Variants in FAM120C observed in about 807,000 individuals in gnomAD.
FAM120C encodes the protein family with sequence similarity 120 member C.
Under a neutral mutation model 71.2 loss-of-function variants are expected in FAM120C, and 14 were observed. The ratio of observed to expected loss-of-function variants is 0.20; its 90% CI spans 0.13 to 0.31. The LOEUF (loss-of-function observed/expected upper bound fraction) is 0.31, where lower values mean the gene tolerates loss of function less well. Ranked by LOEUF, FAM120C falls within the 10% of genes least tolerant of loss-of-function variation. FAM120C has a pLI of 1.00. For missense variants in FAM120C, 500 were observed against 879.0 expected (o/e 0.57, Z 5.45); for synonymous variants, 354 against 353.2 (o/e 1.00, Z -0.03).
chrX:54,127,357 C>T (rs1557128143), intron 9 of FAM120C, among the ~76,000 whole-genome samples: 2 of 108,777 alleles, frequency 1.8e-5, no homozygotes, highest in African/African-American at 6.7e-5. Flanking sequence ...TTTGGGAGGC[C>T]GAGGCGGGCG....
intron 1 of FAM120C, among the ~76,000 whole-genome samples, chrX:54,163,286 GATGA>G (rs782475190): frequency 8.9e-6 from 1 of 112,327 alleles, no homozygotes; most frequent in Non-Finnish European, 1.9e-5. Flanking sequence ...TCTATCAACT[GATGA>G]ATGAACAAAA....
intron 8 of FAM120C, 57 bp downstream of exon 8, chrX:54,133,716 G>C: frequency 8.9e-7 from 1 of 1,122,474 alleles, no homozygotes. Flanking sequence ...TACAGTCCTA[G>C]GAAGTAGGAA....
At chrX:54,156,713 C>T (rs2067211608) in intron 3 of FAM120C, among the ~76,000 whole-genome samples, 1 of 107,463 alleles carries the variant, frequency 9.3e-6, no homozygotes, top group South Asian at 4.2e-4. Context: ...ACAGTGAAAC[C>T]CTGTCTCTAT....
chrX:54,073,729 G>A (rs2066722214), intron 15 of FAM120C, among the ~76,000 whole-genome samples: 1 of 111,391 alleles, frequency 9.0e-6, no homozygotes, highest in Non-Finnish European at 1.9e-5. Context: ...ACCACACCCA[G>A]CCGGATACCT....
rs1179467240 is a variant in FAM120C at position 54,174,233 on chromosome X, A to T, written c.699+8267T>A. ...TGGAAGTCACAGTTTTTTATAACCT[A>T]ATCTTGGAAGTGACATCCCATCACT... On this transcript the variant is annotated intron_variant, in intron 1 of 15. Transcript: ENST00000375180. 3 of 502,800 alleles carry T rather than the reference A, an allele frequency of 6.0e-6. No homozygotes were observed. The African/African-American group carries it at 6.9e-5, about 12-fold the overall frequency. 41.4% of individuals were successfully genotyped at this position (502,800 alleles called of 1,213,427 possible). A position where few individuals can be genotyped will look rare whatever the true frequency, so the allele number is the denominator to read the frequency against.
chrX:54,146,172 G>A (rs1557132359), intron 4 of FAM120C, among the ~76,000 whole-genome samples: 1 of 110,431 alleles, frequency 9.1e-6, no homozygotes, highest in East Asian at 2.8e-4. Context: ...TGGGGGAAGG[G>A]GGGAGGGATA....
Position 54,182,678 on chromosome X carries a change from C to T in FAM120C, c.521G>A (p.Gly174Asp). 2.5e-6 allele frequency: 3 copies of T among 1,208,925 alleles called. No homozygotes were observed. The highest frequency in any genetic ancestry group is 3.4e-6 in the Non-Finnish European group (3 of 894,549). Reference sequence around the variant, plus strand: ...CTCGGCCAGCCGGTCCTTGCCCAGGCCCCCCGGGAACATGACCACGAGCTC... The same window carrying T: ...CTCGGCCAGCCGGTCCTTGCCCAGGTCCCCCGGGAACATGACCACGAGCTC... ...GLELVVMFPGGLGKDRLAEWG... is the reference protein window; with the variant it reads ...GLELVVMFPGDLGKDRLAEWG... The change falls in exon 1 of 16, where the codon GGC (glycine) becomes GAC (aspartate). Residue 174 changes from glycine (G) to aspartate (D), a missense_variant. Transcript: ENST00000375180.
intron 9 of FAM120C, among the ~76,000 whole-genome samples, chrX:54,130,314 A>G (rs1906983925): frequency 9.0e-6 from 1 of 111,631 alleles, no homozygotes; most frequent in South Asian, 3.8e-4. Flanking sequence ...TTGCTATGCA[A>G]AAGTCAAATA....
At chrX:54,081,561 CA>C in intron 13 of FAM120C, 101 bp from the exon 14 acceptor site, 1 of 894,228 alleles carries the variant, frequency 1.1e-6, no homozygotes, top group Non-Finnish European at 1.5e-6. Context: ...TACTTGAAGT[CA>C]GGAGTTCCAG....
intron 10 of FAM120C, among the ~76,000 whole-genome samples, chrX:54,097,159 CTT>C (rs2066856174): frequency 8.9e-6 from 1 of 111,972 alleles, no homozygotes; most frequent in Non-Finnish European, 1.9e-5. Context: ...CAATCGGAGT[CTT>C]CAGAATTTGA....
intron 3 of FAM120C, among the ~76,000 whole-genome samples, 182 bp downstream of exon 3, chrX:54,157,507 G>A (rs1419159129): frequency 9.0e-6 from 1 of 111,437 alleles, no homozygotes; most frequent in Admixed American, 9.6e-5. Flanking sequence ...TGCCCACCTC[G>A]GCCTCCCAAA....
At chrX:54,170,219 C>A (rs191402297) in intron 1 of FAM120C, among the ~76,000 whole-genome samples, 2 of 111,345 alleles carry the variant, frequency 1.8e-5, no homozygotes, top group South Asian at 7.5e-4. Context: ...TCACTGCAAC[C>A]TCCACCTCTG....
At chrX:54,156,886 C>CAAA (rs782182111) in intron 3 of FAM120C, among the ~76,000 whole-genome samples, 15 of 32,715 alleles carry the variant, frequency 4.6e-4, no homozygotes, top group African/African-American at 1.1e-3. Context: ...GACTTTGCCT[C>CAAA]AAAAAAAAAA....
chrX:54,083,432 T>TA (rs1557121552), intron 13 of FAM120C, among the ~76,000 whole-genome samples: 7 of 32,035 alleles, frequency 2.2e-4, no homozygotes, highest in Non-Finnish European at 2.4e-4. Flanking sequence ...AGACCCCATC[T>TA]CCACACACAC....
At chrX:54,092,527 A>G (rs1403282839) in intron 10 of FAM120C, among the ~76,000 whole-genome samples, 2 of 110,377 alleles carry the variant, frequency 1.8e-5, no homozygotes, top group Non-Finnish European at 3.8e-5. Flanking sequence ...CCTGGGCGAC[A>G]GAGTGGTGGG....
intron 9 of FAM120C, among the ~76,000 whole-genome samples, chrX:54,119,712 T>G (rs1189164788): frequency 7.4e-5 from 3 of 40,741 alleles, no homozygotes; most frequent in Admixed American, 8.0e-4. Context: ...AGAAGCTCTT[T>G]AGTTTAATTA....
intron 1 of FAM120C, among the ~76,000 whole-genome samples, chrX:54,169,399 C>T (rs782296780): frequency 5.4e-5 from 6 of 111,867 alleles, no homozygotes; most frequent in Non-Finnish European, 9.4e-5. Flanking sequence ...ATACAATAAA[C>T]ACAAGGGCAT....
At chrX:54,178,627 A>G (rs2146654906) in intron 1 of FAM120C, among the ~76,000 whole-genome samples, 1 of 112,228 alleles carries the variant, frequency 8.9e-6, no homozygotes, top group East Asian at 2.8e-4. Context: ...AGCTTTTAAT[A>G]TACAACTTGT....
chrX:54,091,525 T>C lies in FAM120C; in HGVS notation c.2313-99A>G. ...AACCTATCATGAGCCAGTACTTGGC[T>C]AGATTTTGGCAATACTAACTGAATG... On this transcript the variant is annotated intron_variant, in intron 10 of 15. Coordinates refer to ENST00000375180, the MANE Select transcript of FAM120C (RefSeq NM_017848.6). 7.4e-6 allele frequency: 4 copies of C among 539,214 alleles called. No homozygotes were observed. The South Asian group carries it at 1.6e-4, about 22-fold the overall frequency. The allele number at this position is 539,214 out of a possible 1,213,427, so 44.4% of individuals were successfully genotyped here.
Sources: allele counts gnomAD v4.1 joint callset (sites outside exome capture counted in the v4.1 genomes callset), GRCh38; gene constraint gnomAD v4.1.1; transcripts MANE v1.5; gene names NCBI Gene and HGNC (gene_info 2026-07-23, HGNC 2026-07-21).